CCDC3: variants seen among roughly 807,000 people sequenced by gnomAD.
CCDC3 encodes the protein coiled-coil domain containing 3.
CCDC3 carries 24 observed loss-of-function variants against 21.4 expected under a neutral mutation model. That is an observed-to-expected ratio of 1.12 (90% CI 0.81 to 1.58). The LOEUF (loss-of-function observed/expected upper bound fraction) is 1.58. CCDC3 is among the 40% of genes most tolerant of loss of function. The pLI, the probability that CCDC3 is intolerant of heterozygous loss-of-function variation, is 0.00. For synonymous variants in CCDC3, 186 were observed against 166.0 expected, an observed-to-expected ratio of 1.12 and a Z score of -0.93; for missense variants, 425 against 360.9, an observed-to-expected ratio of 1.18 and a Z score of -1.44.
chr10:12,960,168 AACACACAC>A (rs10626900), intron 2 of CCDC3, among the ~76,000 whole-genome samples: 5 of 148,748 alleles, frequency 3.4e-5, no homozygotes, highest in Admixed American at 6.7e-5. Flanking sequence ...ACACACACAC[AACACACAC>A]ACACACACAC....
chr10:12,982,516 G>A (rs1321757413), intron 2 of CCDC3, among the ~76,000 whole-genome samples: 2 of 151,866 alleles, frequency 1.3e-5, no homozygotes, highest in South Asian at 2.1e-4. Context: ...AAAATCGGCC[G>A]GGTGCAGTGG....
intron 2 of CCDC3, among the ~76,000 whole-genome samples, chr10:12,980,674 T>C (rs181197578): frequency 1.3e-5 from 2 of 152,112 alleles, no homozygotes; most frequent in South Asian, 2.1e-4. Flanking sequence ...AGAGGGGAGA[T>C]AAATGATCAC....
chr10:12,968,917 AAAG>A (rs1377879344), intron 2 of CCDC3, among the ~76,000 whole-genome samples: 1 of 152,214 alleles, frequency 6.6e-6, no homozygotes, highest in East Asian at 1.9e-4. Context: ...ATCTAATCAT[AAAG>A]AAGACAGCAA....
chr10:13,015,168 A>G (rs1286547099), intron 5 of CCDC3, among the ~76,000 whole-genome samples: 2 of 152,100 alleles, frequency 1.3e-5, no homozygotes, highest in African/African-American at 4.8e-5. Flanking sequence ...GCTATTGGTC[A>G]TTCACTTTGT....
At chr10:12,901,867 C>T (rs1232622142) in intron 2 of CCDC3, among the ~76,000 whole-genome samples, 2 of 152,220 alleles carry the variant, frequency 1.3e-5, no homozygotes, top group African/African-American at 2.4e-5. Flanking sequence ...GCTCTTCCTC[C>T]AACACATCAG....
At chr10:12,981,367 T>G (rs1413015509) in intron 2 of CCDC3, among the ~76,000 whole-genome samples, 1 of 151,844 alleles carries the variant, frequency 6.6e-6, no homozygotes, top group Non-Finnish European at 1.5e-5. Flanking sequence ...GTATTTTTAG[T>G]GGAGACAGTG....
chr10:12,984,584 A>T (rs1835558881), intron 2 of CCDC3, among the ~76,000 whole-genome samples: 1 of 152,166 alleles, frequency 6.6e-6, no homozygotes. Context: ...ATGAAAGCTT[A>T]TATCCGTACA....
intron 5 of CCDC3, among the ~76,000 whole-genome samples, chr10:13,018,503 T>C (rs577480289): frequency 6.6e-6 from 1 of 152,312 alleles, no homozygotes; most frequent in South Asian, 2.1e-4. Context: ...TTCAGTGTGC[T>C]GGTTCCACAT....
chr10:13,087,392 G>A lies in CCDC3; in HGVS notation c.-503+11133C>T, dbSNP rs1276999786. On this transcript the variant is annotated intron_variant, in intron 3 of 6. Transcript: ENST00000378839. The stretch of plus-strand genomic sequence containing the variant: ...GCACTCCAGCCTGGGCAACAAGAGT[G>A]AAACTCCATCTCAAAAAAAAAAAAA... Among the ~76,000 whole-genome samples the A allele has an allele frequency of 1.3e-4, 17 of 135,812 alleles. No homozygotes were observed. In the South Asian group the frequency reaches 1.7e-3, roughly 14 times the overall value. 89.1% of individuals were successfully genotyped at this position (135,812 alleles called of 152,430 possible).
At chr10:12,918,828 T>G (rs1471137370) in intron 2 of CCDC3, among the ~76,000 whole-genome samples, 1 of 151,706 alleles carries the variant, frequency 6.6e-6, no homozygotes, top group African/African-American at 2.4e-5. Flanking sequence ...CCGAGGCAGG[T>G]GGATCACGAG....
chr10:13,021,506 T>C (rs1406981665), intron 5 of CCDC3, among the ~76,000 whole-genome samples: 2 of 152,372 alleles, frequency 1.3e-5, no homozygotes, highest in Non-Finnish European at 2.9e-5. Context: ...TCTCTTAGTC[T>C]GTTGCTAAAT....
chr10:13,081,826 C>G, intron 3 of CCDC3, among the ~76,000 whole-genome samples: 1 of 152,248 alleles, frequency 6.6e-6, no homozygotes, highest in East Asian at 1.9e-4. Flanking sequence ...TAAATGCAAT[C>G]GTTACGCTTG....
intron 2 of CCDC3, among the ~76,000 whole-genome samples, chr10:12,901,638 T>C (rs996264454): frequency 6.6e-6 from 1 of 152,206 alleles, no homozygotes; most frequent in Admixed American, 6.5e-5. Flanking sequence ...GGGATGATCA[T>C]GGTTGTTGGG....
At chr10:12,917,186 T>C (rs1449278788) in intron 2 of CCDC3, among the ~76,000 whole-genome samples, 3 of 734 alleles carry the variant, frequency 4.1e-3, no homozygotes, top group Non-Finnish European at 0.029. Flanking sequence ...TCTTCTTTTT[T>C]TTTTTTTTTT....
At chr10:12,918,442 A>G (rs1410406362) in intron 2 of CCDC3, among the ~76,000 whole-genome samples, 1 of 152,222 alleles carries the variant, frequency 6.6e-6, no homozygotes, top group Non-Finnish European at 1.5e-5. Context: ...ATCAGTTTCT[A>G]TGCCCATTAT....
At chr10:12,917,438 C>T (rs1457087202) in intron 2 of CCDC3, among the ~76,000 whole-genome samples, 8 of 151,622 alleles carry the variant, frequency 5.3e-5, no homozygotes, top group African/African-American at 7.3e-5. Flanking sequence ...CCTCGTGATC[C>T]GCCCACCTCG....
chr10:13,022,312 G>A (rs1005490733), intron 5 of CCDC3, among the ~76,000 whole-genome samples: 2 of 152,098 alleles, frequency 1.3e-5, no homozygotes, highest in Non-Finnish European at 2.9e-5. Context: ...CCCGATCTGA[G>A]AATCCAGATT....
chr10:13,050,624 C>G (rs2131424895), intron 4 of CCDC3, among the ~76,000 whole-genome samples: 1 of 152,032 alleles, frequency 6.6e-6, no homozygotes, highest in South Asian at 2.1e-4. Context: ...CCATGCCCAG[C>G]TAATTTTTGT....
At chr10:12,963,289 G>A (rs2131258648) in intron 2 of CCDC3, among the ~76,000 whole-genome samples, 1 of 152,186 alleles carries the variant, frequency 6.6e-6, no homozygotes, top group African/African-American at 2.4e-5. Context: ...TAACCTTGTT[G>A]ACCTTTACAA....
Sources: gnomAD v4.1 joint callset for allele counts (sites outside exome capture counted in the v4.1 genomes callset) on GRCh38, gnomAD v4.1.1 for gene constraint, MANE v1.5 for transcripts, NCBI Gene and HGNC (gene_info 2026-07-23, HGNC 2026-07-21) for gene names.